The following KLHL4 variants were observed in gnomAD, a reference collection of about 807,000 sequenced individuals.
KLHL4 encodes the protein kelch like family member 4.
In KLHL4, 17 loss-of-function variants were observed where a neutral mutation model predicts 45.8. That is an observed-to-expected ratio of 0.37 (90% confidence interval 0.25 to 0.56). The LOEUF is 0.56. KLHL4 is among the 20% of genes least tolerant of loss of function. KLHL4 has a pLI of 0.79. For synonymous variants in KLHL4, 224 were observed against 189.9 expected, an observed-to-expected ratio of 1.18 and a Z score of -1.47; for missense variants, 544 against 544.9, an observed-to-expected ratio of 1.00 and a Z score of 0.02.
intron 5 of KLHL4, among the ~76,000 whole-genome samples, chrX:87,623,288 CTTTTT>C (rs67869297): frequency 1.0e-4 from 5 of 50,202 alleles, no homozygotes; most frequent in East Asian, 7.5e-4. Flanking sequence ...TTCCTTTTTT[CTTTTT>C]TTTTTTTTTT....
chrX:87,642,403 C>T (rs1197876654), intron 9 of KLHL4, among the ~76,000 whole-genome samples: 3 of 111,753 alleles, frequency 2.7e-5, no homozygotes, highest in Non-Finnish European at 3.8e-5. Context: ...CAGTCTTCAG[C>T]CCCAGACCTT....
chrX:87,543,926 C>G (rs56660365), intron 1 of KLHL4, among the ~76,000 whole-genome samples: 132 of 111,524 alleles, frequency 1.2e-3, no homozygotes, highest in African/African-American at 4.2e-3. Flanking sequence ...TACTCGGGTA[C>G]TACCTCTATG....
chrX:87,560,553 C>T (rs1003892846), intron 1 of KLHL4, among the ~76,000 whole-genome samples: 14 of 111,145 alleles, frequency 1.3e-4, no homozygotes, highest in African/African-American at 3.9e-4. Context: ...AGCAGATCTC[C>T]GTAACTTATT....
chrX:87,582,883 G>A (rs1471586452), intron 1 of KLHL4, among the ~76,000 whole-genome samples: 7 of 111,870 alleles, frequency 6.3e-5, no homozygotes, highest in Non-Finnish European at 9.4e-5. Flanking sequence ...GGACCTGAGT[G>A]GGTAGCCACT....
intron 9 of KLHL4, among the ~76,000 whole-genome samples, chrX:87,648,506 G>A (rs1411245735): frequency 9.0e-6 from 1 of 111,386 alleles, no homozygotes; most frequent in Non-Finnish European, 1.9e-5. Flanking sequence ...TGCCAAGGTA[G>A]ACGTTTTGAG....
intron 3 of KLHL4, among the ~76,000 whole-genome samples, chrX:87,615,428 C>G (rs1460417397): frequency 9.0e-6 from 1 of 110,827 alleles, no homozygotes; most frequent in African/African-American, 3.3e-5. Context: ...GTATGACAGT[C>G]CCTCAAAAGT....
At chrX:87,647,241 TG>T (rs1923667593) in intron 9 of KLHL4, among the ~76,000 whole-genome samples, 1 of 111,613 alleles carries the variant, frequency 9.0e-6, no homozygotes, top group East Asian at 2.8e-4. Flanking sequence ...ACACAATAAA[TG>T]TTGGCATGGA....
chrX:87,559,635 T>TA (rs1272353225), intron 1 of KLHL4, among the ~76,000 whole-genome samples: 1 of 111,502 alleles, frequency 9.0e-6, no homozygotes, highest in Non-Finnish European at 1.9e-5. Context: ...CACTTAAAAG[T>TA]AAAAATTCCC....
In KLHL4 at chrX:87,517,892, C is replaced by CG. The variant is rs1449790016; in HGVS notation, c.-1dup. 1.7e-6 allele frequency: 2 copies of CG among 1,194,581 alleles called. No individual in the cohort carries two copies. The highest frequency in any genetic ancestry group is 2.3e-6 in the Non-Finnish European group (2 of 887,062). On this transcript the variant is annotated 5_prime_UTR_variant, in exon 1 of 11. Coordinates refer to ENST00000373119, the MANE Select transcript of KLHL4 (RefSeq NM_019117.5). Reference sequence around the variant, plus strand: ...AAGGCTTTTGTCTTTCCTCCTGCTACGATGTCAGTGTCTGGCAAGAAAGAG... The same window carrying CG: ...AAGGCTTTTGTCTTTCCTCCTGCTACGGATGTCAGTGTCTGGCAAGAAAGAG...
intron 3 of KLHL4, among the ~76,000 whole-genome samples, chrX:87,617,705 GTTTA>G (rs1464744633): frequency 9.0e-6 from 1 of 111,594 alleles, no homozygotes; most frequent in Non-Finnish European, 1.9e-5. Flanking sequence ...GTTATTCACT[GTTTA>G]TTTGTTACAG....
At chrX:87,596,994 T>A (rs1921860426) in intron 1 of KLHL4, among the ~76,000 whole-genome samples, 1 of 112,450 alleles carries the variant, frequency 8.9e-6, no homozygotes, top group Admixed American at 9.4e-5. Flanking sequence ...GTTTAGTAAT[T>A]AAGACCCTGG....
intron 1 of KLHL4, among the ~76,000 whole-genome samples, chrX:87,524,523 A>G (rs1420218222): frequency 1.8e-5 from 2 of 111,514 alleles, no homozygotes; most frequent in African/African-American, 6.5e-5. Context: ...TAATCATAAG[A>G]AAAACATCAG....
chrX:87,567,722 G>A (rs1317093401), intron 1 of KLHL4, among the ~76,000 whole-genome samples: 2 of 111,150 alleles, frequency 1.8e-5, no homozygotes, highest in Admixed American at 9.6e-5. Context: ...ATTAAATACC[G>A]CATGTTCTCA....
chrX:87,590,590 T>C lies in KLHL4; in HGVS notation c.423-23287T>C, dbSNP rs979216049. 7.2e-5 allele frequency among the ~76,000 whole-genome samples: 8 copies of C among 111,555 alleles called. No individual in the cohort carries two copies. The East Asian group carries it at 1.4e-3, about 20-fold the overall frequency. ...AGTCATACTTCTGGATTTCAAAATA[T>C]ATTACAAAGGGATAGTAATTAAAAC... On this transcript the variant is annotated intron_variant, in intron 1 of 10. Coordinates refer to ENST00000373119, the MANE Select transcript of KLHL4 (RefSeq NM_019117.5).
intron 1 of KLHL4, among the ~76,000 whole-genome samples, chrX:87,585,017 C>T (rs1306412374): frequency 9.0e-6 from 1 of 111,265 alleles, no homozygotes; most frequent in Non-Finnish European, 1.9e-5. Flanking sequence ...AGCTATAATA[C>T]ATCTGGCAGC....
intron 1 of KLHL4, among the ~76,000 whole-genome samples, chrX:87,536,696 T>G (rs1386498215): frequency 9.0e-6 from 1 of 110,784 alleles, no homozygotes; most frequent in African/African-American, 3.3e-5. Context: ...CATAAAAGTT[T>G]ACAGGGCTAT....
chrX:87,638,190 T>A (rs963813160), intron 9 of KLHL4, among the ~76,000 whole-genome samples: 6 of 111,154 alleles, frequency 5.4e-5, no homozygotes, highest in African/African-American at 2.0e-4. Flanking sequence ...TCAAGAAGAT[T>A]GGGATTATGT....
At chrX:87,555,315 C>G (rs1931944933) in intron 1 of KLHL4, among the ~76,000 whole-genome samples, 1 of 110,159 alleles carries the variant, frequency 9.1e-6, no homozygotes, top group Middle Eastern at 4.7e-3. Flanking sequence ...CCTTGTACCT[C>G]TGGTAGAATT....
chrX:87,613,932 C>G lies in KLHL4; in HGVS notation c.478C>G (p.His160Asp). ...MNATRSEEQFHVINHAEQTLR... is the reference protein window; with the variant it reads ...MNATRSEEQFDVINHAEQTLR... ...TGCCACCAGATCTGAAGAGCAGTTC[C>G]ATGTTATAAACCACGCAGAGCAAAC... The change falls in exon 2 of 11, where the codon CAT (histidine) becomes GAT (aspartate). Residue 160 changes from histidine (H) to aspartate (D), a missense_variant. Coordinates refer to ENST00000373119, the MANE Select transcript of KLHL4 (RefSeq NM_019117.5). 8.3e-7 allele frequency: 1 copy of G among 1,206,090 alleles called. No individual in the cohort carries two copies. Among genetic ancestry groups the G allele is most frequent in the Non-Finnish European group, 1.1e-6 (1 of 891,774 alleles).
Sources: gnomAD v4.1 joint callset for allele counts (sites outside exome capture counted in the v4.1 genomes callset) on GRCh38, gnomAD v4.1.1 for gene constraint, MANE v1.5 for transcripts, NCBI Gene and HGNC (gene_info 2026-07-23, HGNC 2026-07-21) for gene names.